The following FAM168A variants were observed in gnomAD, a reference collection of about 807,000 sequenced individuals.
FAM168A encodes protein FAM168A.
FAM168A carries 3 observed loss-of-function variants against 28.5 expected under a neutral mutation model. The observed-to-expected ratio is 0.11, with a 90% CI of 0.05 to 0.27. The LOEUF (loss-of-function observed/expected upper bound fraction) is 0.27, where lower values mean the gene tolerates loss of function less well. Ranked by LOEUF, FAM168A falls within the 10% of genes least tolerant of loss-of-function variation. FAM168A has a pLI of 1.00. For synonymous variants in FAM168A, 122 were observed against 124.2 expected (o/e 0.98, Z 0.12); for missense variants, 222 against 311.5 (o/e 0.71, Z 2.16).
chr11:73,595,754 C>T (rs1051394732), intron 1 of FAM168A, among the ~76,000 whole-genome samples: 1 of 152,122 alleles, frequency 6.6e-6, no homozygotes, highest in Non-Finnish European at 1.5e-5. Flanking sequence ...CAACATCATT[C>T]CCCAAAAAAT....
chr11:73,459,176 T>A (rs1867594451), intron 2 of FAM168A, among the ~76,000 whole-genome samples: 1 of 151,404 alleles, frequency 6.6e-6, no homozygotes, highest in Non-Finnish European at 1.5e-5. Flanking sequence ...CTCAACCTCC[T>A]GGGCTCAAGC....
At chr11:73,552,673 G>A (rs1943843087) in intron 1 of FAM168A, among the ~76,000 whole-genome samples, 1 of 152,144 alleles carries the variant, frequency 6.6e-6, no homozygotes, top group Non-Finnish European at 1.5e-5. Context: ...AATAATGGAT[G>A]AGGCCAGGCG....
rs1269328431 is a variant in FAM168A at position 73,474,604 on chromosome 11, A to G, written c.-18-6112T>C. On this transcript the variant is annotated intron_variant, in intron 1 of 7. Transcript: ENST00000356467. ...ATTACATGGGCAATTAATTTTCAAC[A>G]TAAGTTTTATAGAGGACAAACATCC... 7.2e-5 allele frequency among the ~76,000 whole-genome samples: 11 copies of G among 152,316 alleles called. No individual in the cohort carries two copies. The South Asian group carries it at 1.5e-3, about 20-fold the overall frequency.
At chr11:73,505,099 T>C (rs1391710652) in intron 1 of FAM168A, among the ~76,000 whole-genome samples, 4 of 151,820 alleles carry the variant, frequency 2.6e-5, no homozygotes, top group African/African-American at 9.7e-5. Flanking sequence ...AACCTGCACG[T>C]TCTGCACATG....
intron 2 of FAM168A, among the ~76,000 whole-genome samples, chr11:73,438,122 TCATCATCATCATCAC>T (rs1225872915): frequency 2.0e-5 from 3 of 152,234 alleles, no homozygotes; most frequent in African/African-American, 7.2e-5. Context: ...ATCATCGTCA[TCATCATCATCATCAC>T]CATCATCATC....
intron 2 of FAM168A, among the ~76,000 whole-genome samples, chr11:73,444,903 A>AT (rs1867271252): frequency 6.6e-6 from 1 of 152,152 alleles, no homozygotes; most frequent in Non-Finnish European, 1.5e-5. Flanking sequence ...AGTATTCTCT[A>AT]TTTTTTCTAA....
chr11:73,580,810 T>A (rs1388149806), intron 1 of FAM168A, among the ~76,000 whole-genome samples: 1 of 152,210 alleles, frequency 6.6e-6, no homozygotes, highest in Non-Finnish European at 1.5e-5. Flanking sequence ...CATGGCCACC[T>A]TGGCACAAAA....
At chr11:73,497,424 G>A (rs1044618803) in intron 1 of FAM168A, among the ~76,000 whole-genome samples, 2 of 151,876 alleles carry the variant, frequency 1.3e-5, no homozygotes, top group African/African-American at 2.4e-5. Flanking sequence ...ACTCCAGCCT[G>A]GCGACAGAGA....
intron 1 of FAM168A, among the ~76,000 whole-genome samples, chr11:73,504,634 C>T (rs765435867): frequency 6.6e-6 from 1 of 152,048 alleles, no homozygotes; most frequent in Non-Finnish European, 1.5e-5. Flanking sequence ...ACCATTTGAC[C>T]CAGTAATCCC....
At chr11:73,581,944 C>A (rs1944252753) in intron 1 of FAM168A, among the ~76,000 whole-genome samples, 3 of 151,962 alleles carry the variant, frequency 2.0e-5, no homozygotes, top group African/African-American at 7.2e-5. Context: ...GTCTCAAACT[C>A]CTGACCTTGT....
At chr11:73,564,814 G>A (rs1327204211) in intron 1 of FAM168A, among the ~76,000 whole-genome samples, 2 of 149,796 alleles carry the variant, frequency 1.3e-5, no homozygotes, top group African/African-American at 4.9e-5. Flanking sequence ...GCAGAACAAT[G>A]TGGTAAGTGC....
At chr11:73,455,350 C>A (rs1867511489) in intron 2 of FAM168A, among the ~76,000 whole-genome samples, 1 of 152,222 alleles carries the variant, frequency 6.6e-6, no homozygotes, top group Non-Finnish European at 1.5e-5. Context: ...AAGGGGTAGA[C>A]AAGGGTGGAC....
chr11:73,575,059 ATAAGGCTCATACAAGAG>A (rs1944155458), intron 1 of FAM168A, among the ~76,000 whole-genome samples: 1 of 152,192 alleles, frequency 6.6e-6, no homozygotes, highest in African/African-American at 2.4e-5. Context: ...GATGAGCAAA[ATAAGGCTCATACAAGAG>A]TAAGGGTTAT....
At chr11:73,559,322 G>A (rs986148220) in intron 1 of FAM168A, among the ~76,000 whole-genome samples, 5 of 152,032 alleles carry the variant, frequency 3.3e-5, no homozygotes, top group East Asian at 1.9e-4. Context: ...CAGGAGAATC[G>A]CTTGAATCCA....
intron 1 of FAM168A, among the ~76,000 whole-genome samples, chr11:73,581,200 T>C (rs1944240480): frequency 6.6e-6 from 1 of 152,224 alleles, no homozygotes; most frequent in African/African-American, 2.4e-5. Flanking sequence ...TTTCTGATTT[T>C]TGGTAGGCCA....
intron 1 of FAM168A, among the ~76,000 whole-genome samples, chr11:73,494,048 G>A (rs1008391424): frequency 6.6e-6 from 1 of 152,140 alleles, no homozygotes; most frequent in Non-Finnish European, 1.5e-5. Flanking sequence ...ATTAACCTAT[G>A]GAGTGCCCCA....
chr11:73,527,292 C>T (rs1943459892), intron 1 of FAM168A, among the ~76,000 whole-genome samples: 1 of 152,134 alleles, frequency 6.6e-6, no homozygotes, highest in African/African-American at 2.4e-5. Context: ...CATAAAACTG[C>T]CCCTAAAGGA....
intron 3 of FAM168A, chr11:73,420,864 A>G (rs1866779898): frequency 6.6e-6 from 1 of 152,604 alleles, no homozygotes; most frequent in African/African-American, 2.4e-5. Flanking sequence ...ATGTTTTAGA[A>G]ATGGGGAGTG....
chr11:73,432,765 A>G (rs955690948), intron 2 of FAM168A, among the ~76,000 whole-genome samples: 7 of 152,018 alleles, frequency 4.6e-5, no homozygotes, highest in African/African-American at 1.7e-4. Flanking sequence ...AATAACAAAA[A>G]TTAGCTGAGT....
Sources: allele counts gnomAD v4.1 joint callset (sites outside exome capture counted in the v4.1 genomes callset), GRCh38; gene constraint gnomAD v4.1.1; transcripts MANE v1.5; gene names NCBI Gene and HGNC (gene_info 2026-07-23, HGNC 2026-07-21).